The following TRAF3 variants were observed in gnomAD, a reference collection of about 807,000 sequenced individuals.
TRAF3 encodes TNF receptor-associated factor 3.
In TRAF3, 13 loss-of-function variants were observed where a neutral mutation model predicts 62.3. The ratio of observed to expected loss-of-function variants is 0.21; its 90% CI spans 0.14 to 0.33. TRAF3 has a LOEUF of 0.33. Among genes scored for constraint, TRAF3 ranks in the 10% least tolerant of loss-of-function variants. The probability of loss-of-function intolerance (pLI) is 1.00; values close to 1 mark genes in which losing one functional copy is unlikely to be tolerated. For missense variants in TRAF3, 440 were observed against 741.8 expected (o/e 0.59, Z 4.73); for synonymous variants, 269 against 283.4 (o/e 0.95, Z 0.51).
chr14:102,824,470 G>A (rs1900175148), intron 1 of TRAF3, among the ~76,000 whole-genome samples: 1 of 152,102 alleles, frequency 6.6e-6, no homozygotes, highest in Admixed American at 6.5e-5. Context: ...TTGTTCTGTG[G>A]CCCCAGTGGC....
chr14:102,798,027 A>C (rs1898196993), intron 1 of TRAF3, among the ~76,000 whole-genome samples: 1 of 151,996 alleles, frequency 6.6e-6, no homozygotes, highest in Non-Finnish European at 1.5e-5. Flanking sequence ...GTGAGCCACC[A>C]CGCCCAGCCT....
At position 102,909,389 on chromosome 14, in the gene TRAF3, C is replaced by G. The variant is rs1361228052; in HGVS notation, c.*3605C>G. 2.0e-5 allele frequency: 3 copies of G among 152,396 alleles called. No homozygotes were observed. Among genetic ancestry groups the G allele is most frequent in the Non-Finnish European group, 4.4e-5 (3 of 68,162 alleles). The allele number at this position is 152,396 out of a possible 1,614,324, so 9.4% of individuals were successfully genotyped here. A position where few individuals can be genotyped will look rare whatever the true frequency, so the allele number is the denominator to read the frequency against. On this transcript the variant is annotated 3_prime_UTR_variant, in exon 12 of 12. Transcript: ENST00000392745. Reference sequence around the variant, plus strand: ...ACATTGCAGCCCCATTCCACCACCCCTTCCTCCCCAGAGCAGTCTCTGCCG... The same window carrying G: ...ACATTGCAGCCCCATTCCACCACCCGTTCCTCCCCAGAGCAGTCTCTGCCG...
At position 102,834,552 on chromosome 14, in the gene TRAF3, T is replaced by C. The variant is rs1444343286; in HGVS notation, c.-18+4080T>C. Among the ~76,000 whole-genome samples, 7 of 151,734 alleles carry C rather than the reference T, an allele frequency of 4.6e-5. No homozygotes were observed. The East Asian group carries it at 1.4e-3, about 29-fold the overall frequency. ...ATACAAAAAAATTAGCCGGGCGTGG[T>C]GGCGGGCGCCTGTAGTCCCAGCTAC... is the stretch of plus-strand genomic sequence containing the variant. On this transcript the variant is annotated intron_variant, in intron 2 of 11. Coordinates refer to ENST00000392745, the MANE Select transcript of TRAF3 (RefSeq NM_145725.3).
At chr14:102,804,071 G>T (rs1336686958) in intron 1 of TRAF3, among the ~76,000 whole-genome samples, 4 of 151,990 alleles carry the variant, frequency 2.6e-5, no homozygotes, top group African/African-American at 9.7e-5. Flanking sequence ...GAGGCGGGGC[G>T]AGAGGGATCC....
chr14:102,806,176 G>A lies in TRAF3; in HGVS notation c.-156-24158G>A, dbSNP rs536322119. Reference sequence around the variant, plus strand: ...CATATCCCTACAGCAAAGAGTTTTCGGGTTCAAAATGTTAGTTGCGCCAAG... The same window carrying A: ...CATATCCCTACAGCAAAGAGTTTTCAGGTTCAAAATGTTAGTTGCGCCAAG... On this transcript the variant is annotated intron_variant, in intron 1 of 11. Transcript: ENST00000392745. Among the ~76,000 whole-genome samples, 16 of 152,276 alleles carry A rather than the reference G, an allele frequency of 1.1e-4. No homozygotes were observed. The South Asian group carries it at 2.9e-3, about 28-fold the overall frequency.
At chr14:102,846,517 A>G (rs1359510160) in intron 2 of TRAF3, among the ~76,000 whole-genome samples, 1 of 151,920 alleles carries the variant, frequency 6.6e-6, no homozygotes, top group East Asian at 1.9e-4. Context: ...GATAAACCAT[A>G]AAAGTTAAAG....
At chr14:102,896,199 C>T (rs560196709) in intron 9 of TRAF3, among the ~76,000 whole-genome samples, 42 of 152,272 alleles carry the variant, frequency 2.8e-4, no homozygotes, top group Non-Finnish European at 5.1e-4. Flanking sequence ...TTGAAACACA[C>T]GTTAGTATGA....
intron 10 of TRAF3, among the ~76,000 whole-genome samples, chr14:102,901,771 G>A (rs1890314917): frequency 6.6e-6 from 1 of 152,224 alleles, no homozygotes; most frequent in Admixed American, 6.5e-5. Context: ...TGTCATGTTT[G>A]TGTCTTTGTG....
chr14:102,903,120 A>G lies in TRAF3; in HGVS notation c.961-135A>G. The G allele has an allele frequency of 8.1e-7, 1 of 1,241,246 alleles. No individual in the cohort carries two copies. Among genetic ancestry groups the G allele is most frequent in the South Asian group, 1.2e-5 (1 of 80,520 alleles). 76.9% of individuals were successfully genotyped at this position (1,241,246 alleles called of 1,614,324 possible). A position where few individuals can be genotyped will look rare whatever the true frequency, so the allele number is the denominator to read the frequency against. ...GATGCAGAGCCCCACTCCTGGAGTC[A>G]GAGCCGCGGGTGGCAGGCCTCATAC... On this transcript the variant is annotated intron_variant, in intron 10 of 11. Transcript: ENST00000392745. This position sits in a 1 kb window ranked among gnomAD's most constrained non-coding sequence, Gnocchi z 6.4.
intron 1 of TRAF3, among the ~76,000 whole-genome samples, chr14:102,799,885 C>G (rs1043027756): frequency 1.3e-5 from 2 of 152,046 alleles, no homozygotes; most frequent in Admixed American, 6.6e-5. Flanking sequence ...TTTGTTGATT[C>G]CAAGGGAGGG....
intron 6 of TRAF3, among the ~76,000 whole-genome samples, chr14:102,879,212 A>G (rs529660930): frequency 5.9e-5 from 9 of 152,196 alleles, no homozygotes; most frequent in Non-Finnish European, 8.8e-5. Context: ...GACTGAAGGG[A>G]GGCACCAGGG....
chr14:102,781,448 A>G (rs965201343), intron 1 of TRAF3, among the ~76,000 whole-genome samples: 1 of 151,984 alleles, frequency 6.6e-6, no homozygotes, highest in Non-Finnish European at 1.5e-5. Context: ...TGTCCCTACC[A>G]TTTTTCATTG....
At chr14:102,808,026 G>A (rs867837158) in intron 1 of TRAF3, among the ~76,000 whole-genome samples, 8 of 152,168 alleles carry the variant, frequency 5.3e-5, no homozygotes, top group South Asian at 2.1e-4. Flanking sequence ...ATTTTATTTT[G>A]TTAGAGGTGA....
In TRAF3 at chr14:102,905,887, G is replaced by A; in HGVS notation, c.*103G>A. 1.8e-6 allele frequency: 2 copies of A among 1,115,750 alleles called. No individual in the cohort carries two copies. Among genetic ancestry groups the A allele is most frequent in the African/African-American group, 1.6e-5 (1 of 63,244 alleles). The allele number at this position is 1,115,750 out of a possible 1,614,324, so 69.1% of individuals were successfully genotyped here. A position where few individuals can be genotyped will look rare whatever the true frequency, so the allele number is the denominator to read the frequency against. ...TCGCGCTCAGAAAAGGACCTTGTGA[G>A]ACGGAGGAAGCGGCAGAAGGCGGAC... On this transcript the variant is annotated 3_prime_UTR_variant, in exon 12 of 12. Coordinates refer to ENST00000392745, the MANE Select transcript of TRAF3 (RefSeq NM_145725.3).
At position 102,795,594 on chromosome 14, in the gene TRAF3, A is replaced by ATGTGTGTGTG. The variant is rs1249954107; in HGVS notation, c.-157+17920_-157+17921insGTGTGTGTGT. On this transcript the variant is annotated intron_variant, in intron 1 of 11. Coordinates refer to ENST00000392745, the MANE Select transcript of TRAF3 (RefSeq NM_145725.3). ...TACATGATATGTATGCATGATATGTATATATGTGTGTGTGTGTGTGTGTGT... is the reference window on the plus strand; with the variant it reads ...TACATGATATGTATGCATGATATGTATGTGTGTGTGTATATGTGTGTGTGTGTGTGTGTGT... 2.9e-3 allele frequency among the ~76,000 whole-genome samples: 368 copies of ATGTGTGTGTG among 126,624 alleles called. 4 individuals carry two copies. Among genetic ancestry groups the ATGTGTGTGTG allele is most frequent in the East Asian group, 0.018 (75 of 4,218 alleles). The allele number at this position is 126,624 out of a possible 152,430, so 83.1% of individuals were successfully genotyped here.
At chr14:102,841,650 A>T (rs1213008575) in intron 2 of TRAF3, among the ~76,000 whole-genome samples, 2 of 152,218 alleles carry the variant, frequency 1.3e-5, no homozygotes, top group Non-Finnish European at 2.9e-5. Flanking sequence ...GACTATATTT[A>T]AAAAGGATGT....
At chr14:102,882,005 C>A (rs1389541029) in intron 6 of TRAF3, among the ~76,000 whole-genome samples, 1 of 152,248 alleles carries the variant, frequency 6.6e-6, no homozygotes, top group Non-Finnish European at 1.5e-5. Context: ...ATTGCACTCT[C>A]TCCTTCAGTT....
chr14:102,784,334 T>C (rs768535839), intron 1 of TRAF3, among the ~76,000 whole-genome samples: 12 of 150,436 alleles, frequency 8.0e-5, no homozygotes, highest in Non-Finnish European at 1.2e-4. Flanking sequence ...GCTATTCTCC[T>C]GCCCCAGCCT....
At chr14:102,893,996 C>T (rs1464722717) in intron 9 of TRAF3, among the ~76,000 whole-genome samples, 1 of 152,198 alleles carries the variant, frequency 6.6e-6, no homozygotes, top group African/African-American at 2.4e-5. Flanking sequence ...TTTTGTTCAT[C>T]TGTCTTAGAA....
Sources: gnomAD v4.1 joint callset for allele counts (sites outside exome capture counted in the v4.1 genomes callset) on GRCh38, gnomAD v4.1.1 for gene constraint, Gnocchi (gnomAD v3.1) non-coding constraint, MANE v1.5 for transcripts, NCBI Gene and HGNC (gene_info 2026-07-23, HGNC 2026-07-21) for gene names.